The following ZNF646 variants were observed in gnomAD, a reference collection of about 807,000 sequenced individuals.
The protein encoded by ZNF646 is zinc finger protein 646.
A neutral mutation model predicts 115.4 loss-of-function variants in ZNF646; 49 were observed. That is an observed-to-expected ratio of 0.42 (90% CI 0.34 to 0.54). The LOEUF is 0.54. ZNF646 is among the 20% of genes least tolerant of loss of function. The pLI is 0.04. For synonymous variants in ZNF646, 933 were observed against 939.0 expected (o/e 0.99, Z 0.12); for missense variants, 2,269 against 2,457.9 (o/e 0.92, Z 1.62).
Position 31,081,493 on chromosome 16 carries a change from C to A in ZNF646, c.5169C>A (p.Ser1723Arg). ...LPNLLSLKNH[S>R]RTHTDPKRHC... ...ACCTGCTGTCTCTTAAGAACCACAG[C>A]AGGACCCACACGGACCCCAAGCGCC... is the stretch of plus-strand genomic sequence containing the variant. The change falls in exon 2 of 3, where the codon AGC becomes AGA. Residue 1723 changes from serine to arginine, a missense_variant. Coordinates refer to ENST00000300850, the MANE Select transcript of ZNF646 (RefSeq NM_014699.4). The A allele has an allele frequency of 6.2e-7, 1 of 1,614,196 alleles. No individual in the cohort carries two copies. Among genetic ancestry groups the A allele is most frequent in the East Asian group, 2.2e-5 (1 of 44,890 alleles).
rs780989976 is a variant in ZNF646 at position 31,081,630 on chromosome 16, A to G, written c.5306A>G (p.His1769Arg). 3 of 1,608,418 alleles carry G rather than the reference A, an allele frequency of 1.9e-6. No homozygotes were observed. The South Asian group carries it at 3.3e-5, about 18-fold the overall frequency. Residue 1769 changes from histidine (H) to arginine (R), a missense_variant, in exon 2 of 3, where the codon CAC becomes CGC. This residue lies in a region of ZNF646 where 1,062 missense variants were observed against 1,172.8 expected (regional missense o/e 0.91). Transcript: ENST00000300850. ...TTCACCTGCCCCCATTGTCCCCGCC[A>G]CTTCCGCCGCCGAATCAGCTTCGTG... The part of the protein sequence containing the change: ...GPFTCPHCPR[H>R]FRRRISFVQH...
intron 2 of ZNF646, chr16:31,082,005 G>C: frequency 2.2e-6 from 1 of 455,214 alleles, no homozygotes; most frequent in Non-Finnish European, 4.0e-6. Context: ...TCTGTTCAGG[G>C]GAAGGTCACT....
chr16:31,082,937 C>T, intron 2 of ZNF646, 34 bp from the exon 3 acceptor site: 1 of 1,556,584 alleles, frequency 6.4e-7, no homozygotes, highest in Non-Finnish European at 8.7e-7. Context: ...GGGTCTGCCC[C>T]TCAGTTGGTG....
Position 31,079,555 on chromosome 16 carries a change from AGACTT to A in ZNF646, c.3232_3236del (p.Asp1078SerfsTer17). ...ACCACCGCAAGATCCACCAGACTGG[AGACTT>A]TCTCTGCCCTGTCTGCTCCCGCTGC... is the stretch of plus-strand genomic sequence containing the variant. On this transcript the variant is annotated frameshift_variant, in exon 2 of 3. Transcript: ENST00000300850. LOFTEE classifies it high-confidence loss of function. The surrounding 1 kb of genome is among the most constrained non-coding windows in gnomAD (Gnocchi z 5.5). 1 of 1,613,384 alleles carries A rather than the reference AGACTT, an allele frequency of 6.2e-7. No homozygotes were observed.
chr16:31,073,824 A>T (rs1169075250), upstream of ZNF646: 1 of 152,188 alleles, frequency 6.6e-6, no homozygotes, highest in Non-Finnish European at 1.5e-5. Flanking sequence ...CTAGGAAGGA[A>T]GGGAAAGTTC....
chr16:31,082,173 C>T (rs2057171840), intron 2 of ZNF646: 2 of 204,764 alleles, frequency 9.8e-6, no homozygotes, highest in Non-Finnish European at 2.1e-5. Flanking sequence ...ATGGGCTCCA[C>T]GGCTTCCCTG....
Position 31,076,622 on chromosome 16 carries a change from G to C in ZNF646, c.298G>C (p.Glu100Gln). Residue 100 changes from glutamate to glutamine, a missense_variant, in exon 2 of 3, where the codon GAG (glutamate) becomes CAG (glutamine). Glu to Gln is a conservative substitution (Grantham distance 29, BLOSUM62 2). Coordinates refer to ENST00000300850, the MANE Select transcript of ZNF646 (RefSeq NM_014699.4). ...GAGCCATATGAGGACACATGCTCCT[G>C]AGGGCCGCCGCAGGCACAGGCCCCC... ...LKSHMRTHAPEGRRRHRPPRP... is the reference protein window; with the variant it reads ...LKSHMRTHAPQGRRRHRPPRP... 6.2e-7 allele frequency: 1 copy of C among 1,612,948 alleles called. No homozygotes were observed.
In ZNF646 at chr16:31,080,193, G is replaced by A. The variant is rs200908817; in HGVS notation, c.3869G>A (p.Arg1290Gln). ...HMERRGGGGT[R>Q]KATREDRPFR... ...GAACGGCGTGGGGGTGGGGGCACCC[G>A]AAAGGCGACTCGGGAAGATCGGCCC... Residue 1290 changes from arginine (R) to glutamine (Q), a missense_variant, in exon 2 of 3, where the codon CGA becomes CAA. Physicochemically the swap from Arg to Gln is conservative, Grantham distance 43. Around this residue, in one of 5 missense-constraint regions of ZNF646, gnomAD observed 1,062 missense variants for 1,172.8 expected, o/e 0.91. Transcript: ENST00000300850. 130 of 1,609,024 alleles carry A rather than the reference G, an allele frequency of 8.1e-5. No homozygotes were observed. Among genetic ancestry groups the A allele is most frequent in the African/African-American group, 9.4e-5 (7 of 74,732 alleles).
chr16:31,079,347 T>C lies in ZNF646; in HGVS notation c.3023T>C (p.Leu1008Ser), dbSNP rs780982132. 1 of 1,614,032 alleles carries C rather than the reference T, an allele frequency of 6.2e-7. No homozygotes were observed. The highest frequency in any genetic ancestry group is 8.5e-7 in the Non-Finnish European group (1 of 1,179,988). ...ATGGAGATGGTCGTGGACAGTGTCT[T>C]GGAGGACATAGTGAATTCTGTCTCT... ...DAMEMVVDSV[L>S]EDIVNSVSGE... Residue 1008 changes from leucine to serine, a missense_variant, in exon 2 of 3, where the codon TTG becomes TCG. Leu to Ser is a moderately radical substitution (Grantham distance 145). Transcript: ENST00000300850. The surrounding 1 kb of genome is among the most constrained non-coding windows in gnomAD (Gnocchi z 5.5).
In ZNF646 at chr16:31,079,319, G is replaced by A. The variant is rs2057123178; in HGVS notation, c.2995G>A (p.Ala999Thr). Residue 999 changes from alanine to threonine, a missense_variant, in exon 2 of 3, where the codon GCC becomes ACC. By Grantham distance (58) the Ala-to-Thr change is moderately conservative. Coordinates refer to ENST00000300850, the MANE Select transcript of ZNF646 (RefSeq NM_014699.4). The surrounding 1 kb of genome is among the most constrained non-coding windows in gnomAD (Gnocchi z 5.5). ...CAGCCCCTTGGGAGTGGCAGGTGAT[G>A]CCATGGAGATGGTCGTGGACAGTGT... ...APSPLGVAGD[A>T]MEMVVDSVLE... The A allele has an allele frequency of 1.2e-6, 2 of 1,612,940 alleles. No homozygotes were observed. Among genetic ancestry groups the A allele is most frequent in the Non-Finnish European group, 1.7e-6 (2 of 1,179,290 alleles).
At position 31,080,174 on chromosome 16, in the gene ZNF646, C is replaced by T. The variant is rs150156564; in HGVS notation, c.3850C>T (p.Arg1284Cys). Residue 1284 changes from arginine to cysteine, a missense_variant, in exon 2 of 3, where the codon CGT becomes TGT. Physicochemically the swap from Arg to Cys is radical, Grantham distance 180 (BLOSUM62 -3). Coordinates refer to ENST00000300850, the MANE Select transcript of ZNF646 (RefSeq NM_014699.4). ...ASHQRVHMER[R>C]GGGGTRKATR... The stretch of plus-strand genomic sequence containing the variant: ...CCACCAGCGGGTCCACATGGAACGG[C>T]GTGGGGGTGGGGGCACCCGAAAGGC... 1.6e-5 allele frequency: 25 copies of T among 1,610,962 alleles called. No individual in the cohort carries two copies. The African/African-American group carries it at 2.1e-4, about 14-fold the overall frequency.
Position 31,082,171 on chromosome 16 carries a change from C to T in ZNF646, c.5377+470C>T, listed in dbSNP as rs147401767. 1,044 of 207,292 alleles carry T rather than the reference C, an allele frequency of 5.0e-3. 14 individuals carry two copies. Among genetic ancestry groups the T allele is most frequent in the African/African-American group, 0.022 (948 of 42,910 alleles). The allele number at this position is 207,292 out of a possible 1,614,324, so 12.8% of individuals were successfully genotyped here. A position where few individuals can be genotyped will look rare whatever the true frequency, so the allele number is the denominator to read the frequency against. On this transcript the variant is annotated intron_variant, in intron 2 of 2. Coordinates refer to ENST00000300850, the MANE Select transcript of ZNF646 (RefSeq NM_014699.4). Reference sequence around the variant, plus strand: ...GGAACAAGGGATGGGGCATGGGCTCCACGGCTTCCCTGCTGACTTGGCCAC... The same window carrying T: ...GGAACAAGGGATGGGGCATGGGCTCTACGGCTTCCCTGCTGACTTGGCCAC...
At position 31,080,037 on chromosome 16, in the gene ZNF646, G is replaced by A. The variant is rs774044752; in HGVS notation, c.3713G>A (p.Gly1238Asp). 1.2e-6 allele frequency: 2 copies of A among 1,608,586 alleles called. No homozygotes were observed. The highest frequency in any genetic ancestry group is 1.7e-6 in the Non-Finnish European group (2 of 1,176,576). ...GHFGCQACSK[G>D]FSNLMSLKNH... The stretch of plus-strand genomic sequence containing the variant: ...TTTGGCTGTCAGGCCTGCTCCAAGG[G>A]CTTCTCAAACCTCATGTCCCTCAAG... The change falls in exon 2 of 3, where the codon GGC (glycine) becomes GAC (aspartate). Residue 1238 changes from glycine to aspartate, a missense_variant. This residue lies in a region of ZNF646 where 1,062 missense variants were observed against 1,172.8 expected (regional missense o/e 0.91). Transcript: ENST00000300850.
intron 2 of ZNF646, 191 bp from the exon 3 acceptor site, chr16:31,082,780 C>T (rs1700600333): frequency 1.5e-6 from 1 of 656,502 alleles, no homozygotes. Context: ...GAAGATTTCT[C>T]ATGACCTCAA....
upstream of ZNF646, chr16:31,073,244 A>T (rs2057031056): frequency 6.6e-6 from 1 of 152,388 alleles, no homozygotes; most frequent in Non-Finnish European, 1.5e-5. Flanking sequence ...AGGCCGAATG[A>T]GGGACAAAGG....
Position 31,083,610 on chromosome 16 carries a change from C to T in ZNF646, c.*518C>T. ...GGGTGTGGGAGTGTCCACAGACACC[C>T]CTGTCCTGCAGGGTGGGGAGTGGGC... On this transcript the variant is annotated 3_prime_UTR_variant, in exon 3 of 3. Transcript: ENST00000300850. The T allele has an allele frequency of 2.7e-6, 4 of 1,491,554 alleles. No individual in the cohort carries two copies. Among genetic ancestry groups the T allele is most frequent in the Non-Finnish European group, 2.7e-6 (3 of 1,114,890 alleles). The allele number at this position is 1,491,554 out of a possible 1,614,324, so 92.4% of individuals were successfully genotyped here.
rs778207644 is a variant in ZNF646 at position 31,083,120 on chromosome 16, G to C, written c.*28G>C. ...TTCAAGTCTCCAAAGATCAGAATCT[G>C]GGGGAGGGAGCGCGTGCAGGGAGGG... On this transcript the variant is annotated 3_prime_UTR_variant, in exon 3 of 3. Coordinates refer to ENST00000300850, the MANE Select transcript of ZNF646 (RefSeq NM_014699.4). 3.1e-5 allele frequency: 49 copies of C among 1,596,204 alleles called. No homozygotes were observed. Among genetic ancestry groups the C allele is most frequent in the Non-Finnish European group, 4.0e-5 (47 of 1,173,462 alleles).
rs2057073732 is a variant in ZNF646, at chr16:31,076,254, C to G, written c.-71C>G. On this transcript the variant is annotated 5_prime_UTR_variant, in exon 2 of 3. Transcript: ENST00000300850. ...CTGCCCCCTCTTCCTAGGCCTTGGCCCCTCCACCAGAGGAAGGTGCTGCCA... is the reference window on the plus strand; with the variant it reads ...CTGCCCCCTCTTCCTAGGCCTTGGCGCCTCCACCAGAGGAAGGTGCTGCCA... The G allele has an allele frequency of 6.5e-7, 1 of 1,533,896 alleles. No homozygotes were observed. The highest frequency in any genetic ancestry group is 8.8e-7 in the Non-Finnish European group (1 of 1,137,916).
chr16:31,084,118 C>G lies in ZNF646; in HGVS notation c.*1026C>G. ...TGGCAGGAGGCCCCGGGGCCACATA[C>G]TTATGTTGGCCAGGCAGCTTCCAGG... On this transcript the variant is annotated 3_prime_UTR_variant, in exon 3 of 3. Transcript: ENST00000300850. 6.4e-7 allele frequency: 1 copy of G among 1,572,452 alleles called. No homozygotes were observed. Among genetic ancestry groups the G allele is most frequent in the Middle Eastern group, 1.7e-4 (1 of 5,780 alleles).
Sources: allele counts gnomAD v4.1 joint callset, GRCh38; gene constraint gnomAD v4.1.1; regional missense constraint gnomAD v4.1.1; non-coding constraint Gnocchi (gnomAD v3.1); transcripts MANE v1.5; gene names NCBI Gene and HGNC (gene_info 2026-07-23, HGNC 2026-07-21).